Variants in DYSF observed in about 807,000 individuals in gnomAD.
The protein encoded by DYSF is dysferlin, also known as dystrophy-associated fer-1-like 1.
A neutral mutation model predicts 274.9 loss-of-function variants in DYSF; 212 were observed. That is an observed-to-expected ratio of 0.77 (90% CI 0.69 to 0.86). DYSF has a LOEUF of 0.86. Ranked by LOEUF, DYSF falls within the 40% of genes least tolerant of loss-of-function variation. The pLI is 0.00. For synonymous variants in DYSF, 1,091 were observed against 1,078.7 expected, an observed-to-expected ratio of 1.01 and a Z score of -0.22; for missense variants, 2,666 against 2,783.2, an observed-to-expected ratio of 0.96 and a Z score of 0.95.
intron 36 of DYSF, among the ~76,000 whole-genome samples, chr2:71,604,223 G>A (rs1258890008): frequency 1.3e-5 from 2 of 152,114 alleles, no homozygotes; most frequent in East Asian, 1.9e-4. Flanking sequence ...GATAGCCCTG[G>A]GACCCCTAGC....
intron 23 of DYSF, 129 bp downstream of exon 23, chr2:71,562,073 G>T (rs2091813912): frequency 1.5e-6 from 2 of 1,311,970 alleles, no homozygotes. Context: ...CCTTGGGCAG[G>T]TGACTTAACC....
Position 71,511,817 on chromosome 2 carries a change from T to A in DYSF, c.356T>A (p.Val119Asp), listed in dbSNP as rs2086125048. The change falls in exon 5 of 56, where the codon GTC becomes GAC. Residue 119 changes from valine to aspartate, a missense_variant. Physicochemically the swap from Val to Asp is radical, Grantham distance 152. Around this residue, in one of 3 missense-constraint regions of DYSF, gnomAD observed 794 missense variants for 777.1 expected, o/e 1.02. Transcript: ENST00000410020. ...TCTCATCTCTTCCAGGCCTCGCTGG[T>A]CCTGCAGGTGTCCTACACACCGCTG... Reference protein sequence around the residue: ...TKKQPTGASLVLQVSYTPLPG... With the variant: ...TKKQPTGASLDLQVSYTPLPG... The A allele has an allele frequency of 6.4e-7, 1 of 1,550,616 alleles. No individual in the cohort carries two copies. Among genetic ancestry groups the A allele is most frequent in the Non-Finnish European group, 8.7e-7 (1 of 1,146,102 alleles).
intron 24 of DYSF, among the ~76,000 whole-genome samples, chr2:71,565,739 CTCTGAAT>C (rs2152808245): frequency 6.6e-6 from 1 of 152,342 alleles, no homozygotes; most frequent in African/African-American, 2.4e-5. Flanking sequence ...TGCTTAACCT[CTCTGAAT>C]TGCCTGTTGT....
At position 71,669,102 on chromosome 2, in the gene DYSF, C is replaced by G. The variant is rs1275653427; in HGVS notation, c.5547-10C>G. On this transcript the variant is annotated splice_polypyrimidine_tract_variant and intron_variant, in intron 49 of 55. Transcript: ENST00000410020. ...AAATCTAGGTGGATTAGAGTGATAC[C>G]TTTCCCCAGGTTTTTCCTGCGTTGT... The G allele has an allele frequency of 6.3e-7, 1 of 1,584,920 alleles. No homozygotes were observed. The highest frequency in any genetic ancestry group is 8.6e-7 in the Non-Finnish European group (1 of 1,163,886).
chr2:71,601,384 T>C (rs2093546980), intron 34 of DYSF, 115 bp from the exon 35 acceptor site: 1 of 1,380,422 alleles, frequency 7.2e-7, no homozygotes, highest in Admixed American at 1.7e-5. Flanking sequence ...CCTCAAGGAA[T>C]AGAGGCTGCA....
intron 41 of DYSF, among the ~76,000 whole-genome samples, chr2:71,621,896 T>C (rs1420951213): frequency 6.6e-6 from 1 of 151,978 alleles, no homozygotes; most frequent in Non-Finnish European, 1.5e-5. Context: ...CCTGATCTCA[T>C]GATCTGCCCG....
chr2:71,682,756 C>T, intron 55 of DYSF, 79 bp downstream of exon 55: 22 of 1,544,092 alleles, frequency 1.4e-5, no homozygotes, highest in Non-Finnish European at 1.9e-5. Flanking sequence ...AAAGAGCTCT[C>T]CCAGTCTAAT....
intron 13 of DYSF, 63 bp downstream of exon 13, chr2:71,526,409 G>A (rs2087918635): frequency 6.8e-7 from 1 of 1,470,778 alleles, no homozygotes; most frequent in East Asian, 2.4e-5. Context: ...GGCTGGTGGG[G>A]GTGGGCGATG....
chr2:71,495,718 G>A (rs2084311293), intron 3 of DYSF, among the ~76,000 whole-genome samples: 1 of 152,196 alleles, frequency 6.6e-6, no homozygotes, highest in East Asian at 2.0e-4. Flanking sequence ...CCTCTAGGCT[G>A]CCCCAGCCCT....
chr2:71,633,365 A>G (rs920457028), intron 41 of DYSF, among the ~76,000 whole-genome samples: 1 of 152,158 alleles, frequency 6.6e-6, no homozygotes, highest in Non-Finnish European at 1.5e-5. Context: ...CATTTCCTAA[A>G]TCTCAGGACA....
intron 5 of DYSF, 23 bp downstream of exon 5, chr2:71,511,944 G>A: frequency 6.8e-7 from 1 of 1,462,946 alleles, no homozygotes; most frequent in Non-Finnish European, 9.4e-7. Context: ...CGTTGGCCTG[G>A]CTGGGCCCCA....
intron 17 of DYSF, among the ~76,000 whole-genome samples, chr2:71,546,263 G>A (rs368989175): frequency 8.5e-4 from 129 of 152,358 alleles, no homozygotes; most frequent in African/African-American, 2.8e-3. Flanking sequence ...TCCACGTTGT[G>A]GGCTTGTAGC....
In DYSF at chr2:71,535,266, A is replaced by T; in HGVS notation, c.1450-2A>T. ...CCCAACACGCCTCTATTCCTTCCTC[A>T]GTTTCCCTCCATGTGCGAAAAAATG... On this transcript the variant is annotated splice_acceptor_variant, in intron 15 of 55. Transcript: ENST00000410020. LOFTEE classifies it high-confidence loss of function. The T allele has an allele frequency of 6.2e-7, 1 of 1,613,902 alleles. No homozygotes were observed. The highest frequency in any genetic ancestry group is 8.5e-7 in the Non-Finnish European group (1 of 1,179,902).
intron 55 of DYSF, among the ~76,000 whole-genome samples, chr2:71,685,962 C>G (rs1056427644): frequency 6.6e-6 from 1 of 152,170 alleles, no homozygotes; most frequent in African/African-American, 2.4e-5. Flanking sequence ...ACAGCCCATC[C>G]CCAACTCTCT....
chr2:71,535,827 G>C (rs114468275), intron 16 of DYSF, among the ~76,000 whole-genome samples: 30 of 152,254 alleles, frequency 2.0e-4, no homozygotes, highest in African/African-American at 7.2e-4. Context: ...GCTCACGGGC[G>C]TCTTAGAAAG....
At chr2:71,558,568 G>T (rs928821288) in intron 22 of DYSF, among the ~76,000 whole-genome samples, 5 of 152,216 alleles carry the variant, frequency 3.3e-5, no homozygotes, top group Admixed American at 6.5e-5. Flanking sequence ...CCCCCGTGTT[G>T]TTTGTAGCTT....
At chr2:71,479,890 A>AT (rs1414287799) in intron 1 of DYSF, among the ~76,000 whole-genome samples, 1 of 152,206 alleles carries the variant, frequency 6.6e-6, no homozygotes, top group Admixed American at 6.5e-5. Context: ...GGTGAAGTGG[A>AT]TTTTGTTTAA....
chr2:71,610,819 AC>A (rs2093740750), intron 36 of DYSF: 4 of 301,696 alleles, frequency 1.3e-5, no homozygotes, highest in Non-Finnish European at 2.6e-5. Flanking sequence ...AGGCAGGAGA[AC>A]CAGGCTGGCG....
At chr2:71,606,617 C>T (rs1558600696) in intron 36 of DYSF, among the ~76,000 whole-genome samples, 1 of 152,102 alleles carries the variant, frequency 6.6e-6, no homozygotes. Flanking sequence ...GACCTCAGGA[C>T]TCCTGCCTGG....
Sources: allele counts gnomAD v4.1 joint callset (sites outside exome capture counted in the v4.1 genomes callset), GRCh38; gene constraint gnomAD v4.1.1; regional missense constraint gnomAD v4.1.1; transcripts MANE v1.5; gene names NCBI Gene and HGNC (gene_info 2026-07-23, HGNC 2026-07-21).